Variants in NEB observed in about 807,000 individuals in gnomAD.
The protein encoded by NEB is nemaline myopathy type 2.
NEB carries 512 observed loss-of-function variants against 952.2 expected under a neutral mutation model. The observed-to-expected ratio is 0.54, with a 90% CI of 0.50 to 0.58. NEB has a LOEUF of 0.58. NEB is among the 20% of genes least tolerant of loss of function. The pLI is 0.00. For missense variants in NEB, 8,428 were observed against 9,231.1 expected (o/e 0.91, Z 3.56); for synonymous variants, 2,900 against 3,149.8 (o/e 0.92, Z 2.66).
intron 55 of NEB, among the ~76,000 whole-genome samples, chr2:151,644,909 G>A (rs745481978): frequency 1.3e-4 from 20 of 152,060 alleles, no homozygotes; most frequent in Non-Finnish European, 2.6e-4. Context: ...TAGATGGTAC[G>A]GCCTAGTACA....
At chr2:151,689,022 C>G (rs2149017939) in intron 24 of NEB, among the ~76,000 whole-genome samples, 1 of 152,118 alleles carries the variant, frequency 6.6e-6, no homozygotes. Context: ...TGCTGTGTAA[C>G]CATACTTTGG....
intron 61 of NEB, 133 bp from the exon 62 acceptor site, chr2:151,640,193 T>C: frequency 6.9e-7 from 1 of 1,457,502 alleles, no homozygotes; most frequent in Non-Finnish European, 9.4e-7. Context: ...ACAATATTCC[T>C]CTTTGGTCTG....
chr2:151,510,242 T>G (rs576839373), intron 161 of NEB, among the ~76,000 whole-genome samples: 39 of 151,672 alleles, frequency 2.6e-4, no homozygotes, highest in Admixed American at 2.6e-3. Flanking sequence ...GCCTGGGGAG[T>G]TTTTTTTAGA....
chr2:151,526,307 T>A (rs1296609319), intron 148 of NEB, 45 bp from the exon 149 acceptor site: 1 of 1,292,230 alleles, frequency 7.7e-7, no homozygotes, highest in South Asian at 1.2e-5. Flanking sequence ...CTGCTGGATA[T>A]CCTACATATT....
rs747225286 is a variant in NEB, at chr2:151,724,873, G to A, written c.491C>T (p.Ser164Leu). The A allele has an allele frequency of 1.0e-4, 166 of 1,613,350 alleles. No individual in the cohort carries two copies. Among genetic ancestry groups the A allele is most frequent in the Non-Finnish European group, 1.2e-4 (136 of 1,179,658 alleles). ...TTGCCTTACCTTACTGACTTGCTGCGACACTTTCTTTGCATGTTCAATATC... is the reference window on the plus strand; with the variant it reads ...TTGCCTTACCTTACTGACTTGCTGCAACACTTTCTTTGCATGTTCAATATC... ...AKDIEHAKKV[S>L]QQVSKVLYKQ... Residue 164 changes from serine (S) to leucine (L), a missense_variant, in exon 7 of 182, where the codon TCG (serine) becomes TTG (leucine). By Grantham distance (145) the Ser-to-Leu change is moderately radical. This residue lies in a region of NEB where 2,851 missense variants were observed against 2,791.5 expected (regional missense o/e 1.02). Coordinates refer to ENST00000397345, the MANE Select transcript of NEB (RefSeq NM_001164508.2).
At chr2:151,689,898 A>T (rs1332096711) in intron 24 of NEB, 1 of 152,234 alleles carries the variant, frequency 6.6e-6, no homozygotes, top group Non-Finnish European at 1.5e-5. Context: ...CTAATTGGGT[A>T]TGAGCTAATT....
At position 151,579,379 on chromosome 2, in the gene NEB, C is replaced by T. The variant is rs1413589274; in HGVS notation, c.16663G>A (p.Asp5555Asn). ...TAGGCTTTCCTGGCTTGGATCACAT[C>T]ATTCTGGTCGGGAAAGCAAGACCAG... ...HRWSCFPDQN[D>N]VIQARKAYDL... Residue 5555 changes from aspartate (D) to asparagine (N), a missense_variant, in exon 105 of 182, where the codon GAT becomes AAT. Around this residue, in one of 11 missense-constraint regions of NEB, gnomAD observed 19 missense variants for 49.3 expected, o/e 0.39. Transcript: ENST00000397345. The T allele has an allele frequency of 8.5e-6, 13 of 1,530,828 alleles. 2 individuals carry two copies. Among genetic ancestry groups the T allele is most frequent in the Middle Eastern group, 4.6e-4 (2 of 4,376 alleles). 94.8% of individuals were successfully genotyped at this position (1,530,828 alleles called of 1,614,324 possible).
chr2:151,635,620 C>T (rs555435863), intron 64 of NEB, among the ~76,000 whole-genome samples: 5 of 150,914 alleles, frequency 3.3e-5, no homozygotes, highest in Middle Eastern at 3.4e-3. Context: ...GCAGGAGAAT[C>T]GCTTGACCCC....
chr2:151,504,642 A>C (rs2067324755), intron 165 of NEB, among the ~76,000 whole-genome samples: 1 of 152,228 alleles, frequency 6.6e-6, no homozygotes, highest in South Asian at 2.1e-4. Context: ...TCCCAAGACC[A>C]AGGTCCTCCC....
chr2:151,578,251 T>A (rs2096953316), intron 105 of NEB, among the ~76,000 whole-genome samples: 1 of 149,928 alleles, frequency 6.7e-6, no homozygotes, highest in Non-Finnish European at 1.5e-5. Flanking sequence ...TTAGGTGAGT[T>A]AATGAAAGAC....
rs532783102 is a variant in NEB, at chr2:151,530,896, G to A, written c.21630+98C>T. On this transcript the variant is annotated intron_variant, in intron 145 of 181. Transcript: ENST00000397345. ...ATTTTAAGCCACTAAGTTTTAGGGT[G>A]GTTGTTACACAGGAATAGATAACTG... is the stretch of plus-strand genomic sequence containing the variant. 6 of 739,010 alleles carry A rather than the reference G, an allele frequency of 8.1e-6. No homozygotes were observed. In the South Asian group the frequency reaches 1.1e-4, roughly 14 times the overall value. The allele number at this position is 739,010 out of a possible 1,614,324, so 45.8% of individuals were successfully genotyped here.
intron 52 of NEB, among the ~76,000 whole-genome samples, chr2:151,651,471 A>C (rs1007457311): frequency 1.3e-5 from 2 of 152,198 alleles, no homozygotes; most frequent in Non-Finnish European, 2.9e-5. Flanking sequence ...GTGGTTTGCC[A>C]TGTGGTTACG....
Position 151,687,612 on chromosome 2 carries a change from C to T in NEB, c.2523+14G>A. 1 of 1,613,534 alleles carries T rather than the reference C, an allele frequency of 6.2e-7. No homozygotes were observed. Among genetic ancestry groups the T allele is most frequent in the Non-Finnish European group, 8.5e-7 (1 of 1,179,616 alleles). On this transcript the variant is annotated intron_variant, in intron 26 of 181. Coordinates refer to ENST00000397345, the MANE Select transcript of NEB (RefSeq NM_001164508.2). Reference sequence around the variant, plus strand: ...CACCCTGTCCAGGTCCCCAGGTCCCCAGGCCACACTCACATCGCTGGTGTT... The same window carrying T: ...CACCCTGTCCAGGTCCCCAGGTCCCTAGGCCACACTCACATCGCTGGTGTT...
intron 10 of NEB, among the ~76,000 whole-genome samples, chr2:151,714,037 GCTAAAAGAGA>G (rs2099752750): frequency 6.6e-6 from 1 of 152,086 alleles, no homozygotes; most frequent in African/African-American, 2.4e-5. Context: ...ATTAATGGAA[GCTAAAAGAGA>G]CTTCTTTCTA....
Position 151,612,188 on chromosome 2 carries a change from T to G in NEB, c.11803A>C (p.Lys3935Gln). 6.2e-7 allele frequency: 1 copy of G among 1,613,062 alleles called. No individual in the cohort carries two copies. The highest frequency in any genetic ancestry group is 1.3e-5 in the African/African-American group (1 of 75,032). The stretch of plus-strand genomic sequence containing the variant: ...ACAGAAAACAGCTGGAGACTCACCT[T>G]GCTCATTGTCAGGGCATTATTCTTT... ...LAKNNALTMS[K>Q]HLYTEAWDAD... The change falls in exon 78 of 182, where the codon AAG (lysine) becomes CAG (glutamine). Residue 3935 changes from lysine to glutamine, a missense_variant and splice_region_variant. Lys to Gln is a moderately conservative substitution (Grantham distance 53). Around this residue, in one of 11 missense-constraint regions of NEB, gnomAD observed 337 missense variants for 297.5 expected, o/e 1.13. Transcript: ENST00000397345.
Position 151,570,117 on chromosome 2 carries a change from C to T in NEB, c.17394G>A (p.Val5798=), listed in dbSNP as rs1578005646. Residue 5798 remains valine, a synonymous_variant, in exon 109 of 182, where the codon GTG becomes GTA. Coordinates refer to ENST00000397345, the MANE Select transcript of NEB (RefSeq NM_001164508.2). Reference sequence around the variant, plus strand: ...GTTCGTAGGCCTTCTTGGCCTGAATCACATCGTTCTGGTCGGGCATGCAGG... The same window carrying T: ...GTTCGTAGGCCTTCTTGGCCTGAATTACATCGTTCTGGTCGGGCATGCAGG... ...QWTCMPDQND[V]IQAKKAYELQ... 6.2e-7 allele frequency: 1 copy of T among 1,612,368 alleles called. No individual in the cohort carries two copies. Among genetic ancestry groups the T allele is most frequent in the East Asian group, 2.2e-5 (1 of 44,764 alleles).
rs2087241192 is a variant in NEB, at chr2:151,527,729, G to T, written c.21736-144C>A. ...AGAGGAAGCCCCAATTGAAATTTCT[G>T]TACAATTTATGCAGCTAGTCATCCA... On this transcript the variant is annotated intron_variant, in intron 146 of 181. Coordinates refer to ENST00000397345, the MANE Select transcript of NEB (RefSeq NM_001164508.2). 6 of 641,782 alleles carry T rather than the reference G, an allele frequency of 9.3e-6. No individual in the cohort carries two copies. In the South Asian group the frequency reaches 1.0e-4, roughly 11 times the overall value. The allele number at this position is 641,782 out of a possible 1,614,324, so 39.8% of individuals were successfully genotyped here.
At chr2:151,557,379 G>A (rs1247859871) in intron 124 of NEB, among the ~76,000 whole-genome samples, 1 of 152,132 alleles carries the variant, frequency 6.6e-6, no homozygotes, top group Admixed American at 6.6e-5. Flanking sequence ...GTAATTAATA[G>A]CCTCCCAGCC....
At position 151,524,957 on chromosome 2, in the gene NEB, C is replaced by T. The variant is rs538167251; in HGVS notation, c.22272+206G>A. Among the ~76,000 whole-genome samples, 6 of 152,160 alleles carry T rather than the reference C, an allele frequency of 3.9e-5. No individual in the cohort carries two copies. In the East Asian group the frequency reaches 7.7e-4, roughly 20 times the overall value. ...CTGGGATTATAGGCATGAGCCACCA[C>T]GCCCAGCCGAGATATGCTATCTTTC... On this transcript the variant is annotated intron_variant, in intron 151 of 181. Transcript: ENST00000397345.
Sources: gnomAD v4.1 joint callset for allele counts (sites outside exome capture counted in the v4.1 genomes callset) on GRCh38, gnomAD v4.1.1 for gene constraint, gnomAD v4.1.1 regional missense constraint, MANE v1.5 for transcripts, NCBI Gene and HGNC (gene_info 2026-07-23, HGNC 2026-07-21) for gene names.